The following FAT1 variants were observed in gnomAD, a reference collection of about 807,000 sequenced individuals.
FAT1 encodes FAT atypical cadherin 1.
FAT1 carries 171 observed loss-of-function variants against 329.8 expected under a neutral mutation model. The observed-to-expected ratio is 0.52, with a 90% CI of 0.46 to 0.59. The LOEUF is 0.59. Among genes scored for constraint, FAT1 ranks in the 20% least tolerant of loss-of-function variants. The pLI is 0.00. For synonymous variants in FAT1, 2,233 were observed against 2,228.6 expected (o/e 1.00, Z -0.06); for missense variants, 5,672 against 5,774.4 (o/e 0.98, Z 0.57).
intron 2 of FAT1, among the ~76,000 whole-genome samples, chr4:186,696,928 G>A (rs1411633237): frequency 6.6e-6 from 1 of 152,192 alleles, no homozygotes; most frequent in East Asian, 1.9e-4. Context: ...GGAGGCTGAG[G>A]CAGGAGAATC....
At chr4:186,668,152 C>T (rs541445195) in intron 2 of FAT1, among the ~76,000 whole-genome samples, 89 of 152,236 alleles carry the variant, frequency 5.8e-4, no homozygotes, top group African/African-American at 2.0e-3. Context: ...AAGCCTTAAG[C>T]GTGCCAAGTT....
At chr4:186,668,117 G>C (rs975195730) in intron 2 of FAT1, among the ~76,000 whole-genome samples, 4 of 152,170 alleles carry the variant, frequency 2.6e-5, no homozygotes, top group Non-Finnish European at 5.9e-5. Flanking sequence ...CGCTATTATA[G>C]GCACTGCACA....
Position 186,619,188 on chromosome 4 carries a change from T to C in FAT1, c.7398A>G (p.Ser2466=), listed in dbSNP as rs749480216. 5.6e-6 allele frequency: 9 copies of C among 1,614,018 alleles called. No individual in the cohort carries two copies. Among genetic ancestry groups the C allele is most frequent in the Non-Finnish European group, 7.6e-6 (9 of 1,179,906 alleles). ...ALKPFYSLNL[S]VSDGVFRSST... Reference sequence around the variant, plus strand: ...AACTTCTAAAAACTCCATCAGACACTGACAGGTTAAGACTGTAAAATGGCT... The same window carrying C: ...AACTTCTAAAAACTCCATCAGACACCGACAGGTTAAGACTGTAAAATGGCT... Residue 2466 remains serine, a synonymous_variant, in exon 10 of 27, where the codon TCA becomes TCG. Transcript: ENST00000441802.
chr4:186,596,721 G>C lies in FAT1; in HGVS notation c.12819C>G (p.Phe4273Leu), dbSNP rs1243904591. 2 of 1,613,976 alleles carry C rather than the reference G, an allele frequency of 1.2e-6. No individual in the cohort carries two copies. The highest frequency in any genetic ancestry group is 1.7e-6 in the Non-Finnish European group (2 of 1,179,874). ...DSRNNLDRNS[F>L]EGSAIPEHPE... The stretch of plus-strand genomic sequence containing the variant: ...GATGCTCTGGGATAGCAGATCCTTC[G>C]AAGGAATTTCGGTCCAGATTGTTTC... The change falls in exon 25 of 27, where the codon TTC becomes TTG. Residue 4273 changes from phenylalanine (F) to leucine (L), a missense_variant. Physicochemically the swap from Phe to Leu is conservative, Grantham distance 22. This residue lies in a region of FAT1 where 1,706 missense variants were observed against 1,859.1 expected (regional missense o/e 0.92). Coordinates refer to ENST00000441802, the MANE Select transcript of FAT1 (RefSeq NM_005245.4). This position sits in a 1 kb window ranked among gnomAD's most constrained non-coding sequence, Gnocchi z 4.7.
intron 26 of FAT1, among the ~76,000 whole-genome samples, chr4:186,595,329 GTGTT>G (rs752675910): frequency 5.3e-5 from 8 of 152,084 alleles, no homozygotes; most frequent in Admixed American, 1.3e-4. Flanking sequence ...GAGAGAGTGT[GTGTT>G]TGTGTGCGTG....
rs530717645 is a variant in FAT1 at position 186,589,422 on chromosome 4, A to T, written c.13139-202T>A. Among the ~76,000 whole-genome samples, 11 of 152,326 alleles carry T rather than the reference A, an allele frequency of 7.2e-5. No individual in the cohort carries two copies. In the South Asian group the frequency reaches 2.1e-3, roughly 29 times the overall value. On this transcript the variant is annotated intron_variant, in intron 26 of 26. Transcript: ENST00000441802. ...TAAAGACCCCTATGAACTAGGCTCT[A>T]GTTCTAAAATGTGGACTTACAGTTT...
chr4:186,654,074 C>CA (rs1198996520), intron 3 of FAT1, among the ~76,000 whole-genome samples: 1 of 152,136 alleles, frequency 6.6e-6, no homozygotes, highest in Non-Finnish European at 1.5e-5. Context: ...CACCCAAATG[C>CA]AAAGGCACAG....
At chr4:186,635,876 TCAAA>T in intron 6 of FAT1, 145 bp downstream of exon 6, 6 of 677,936 alleles carry the variant, frequency 8.9e-6, no homozygotes, top group East Asian at 2.7e-5. Context: ...AATTTTGCAA[TCAAA>T]ATATTATAGT....
At chr4:186,725,951 G>A (rs1031673084), upstream of FAT1, among the ~76,000 whole-genome samples, 3 of 152,212 alleles carry the variant, frequency 2.0e-5, no homozygotes, top group Admixed American at 6.5e-5. The surrounding 1 kb of genome is among the most constrained non-coding windows in gnomAD (Gnocchi z 5.4). Context: ...CGAGCGCCGG[G>A]GAGGTCCAGG....
At position 186,588,773 on chromosome 4, in the gene FAT1, G is replaced by A. The variant is rs555931755; in HGVS notation, c.13586C>T (p.Ala4529Val). ...YPPGYQRHFEAPAVESMPMSV... is the reference protein window; with the variant it reads ...YPPGYQRHFEVPAVESMPMSV... ...CATGGGCATGCTCTCGACAGCGGGC[G>A]CCTCGAAGTGTCTTTGATACCCTGG... Residue 4529 changes from alanine (A) to valine (V), a missense_variant, in exon 27 of 27, where the codon GCG becomes GTG. Transcript: ENST00000441802. 17 of 1,614,028 alleles carry A rather than the reference G, an allele frequency of 1.1e-5. No individual in the cohort carries two copies. The highest frequency in any genetic ancestry group is 3.3e-5 in the Admixed American group (2 of 60,030).
rs543576319 is a variant in FAT1, at chr4:186,602,984, C to G, written c.11401G>C (p.Glu3801Gln). 2 of 1,613,988 alleles carry G rather than the reference C, an allele frequency of 1.2e-6. No individual in the cohort carries two copies. The highest frequency in any genetic ancestry group is 2.2e-5 in the East Asian group (1 of 44,888). Residue 3801 changes from glutamate (E) to glutamine (Q), a missense_variant, in exon 20 of 27, where the codon GAG becomes CAG. Transcript: ENST00000441802. The stretch of plus-strand genomic sequence containing the variant: ...GGATCAGACACACATTCGGATCCCT[C>G]AGGGCACGGATCATCTTCACAGCCA... ...HHGCEDDPCP[E>Q]GSECVSDPWE... is the part of the protein sequence containing the mutation.
At position 186,605,971 on chromosome 4, in the gene FAT1, T is replaced by G. The variant is rs141177234; in HGVS notation, c.10350+99A>C. 8.9e-5 allele frequency: 104 copies of G among 1,165,208 alleles called. No homozygotes were observed. The East Asian group carries it at 2.4e-3, about 27-fold the overall frequency. 72.2% of individuals were successfully genotyped at this position (1,165,208 alleles called of 1,614,324 possible). On this transcript the variant is annotated intron_variant, in intron 17 of 26. Transcript: ENST00000441802. Reference sequence around the variant, plus strand: ...TCTTGAATTCTACGTTTCCCATTTTTCTAGAAAGAAACCTTTGGATAAGAA... The same window carrying G: ...TCTTGAATTCTACGTTTCCCATTTTGCTAGAAAGAAACCTTTGGATAAGAA...
intron 2 of FAT1, among the ~76,000 whole-genome samples, chr4:186,674,373 A>C (rs2126636111): frequency 6.6e-6 from 1 of 152,348 alleles, no homozygotes; most frequent in South Asian, 2.1e-4. Flanking sequence ...CAACTTTGGT[A>C]GCAGAGAAGC....
chr4:186,620,721 G>A lies in FAT1; in HGVS notation c.5865C>T (p.Ser1955=), dbSNP rs769348689. ...RSRYELTVRA[S]DGRFAGLTSV... is the part of the protein sequence containing the mutation. ...AGGTAAGGCCGGCAAATCTGCCATC[G>A]GAAGCTCTAACGGTTAGCTCGTAGC... The change falls in exon 10 of 27, where the codon TCC becomes TCT. Residue 1955 remains serine, a synonymous_variant. Transcript: ENST00000441802. The A allele has an allele frequency of 8.7e-6, 14 of 1,613,852 alleles. No individual in the cohort carries two copies. Among genetic ancestry groups the A allele is most frequent in the Admixed American group, 3.3e-5 (2 of 60,000 alleles).
chr4:186,597,461 T>C (rs886459832), intron 24 of FAT1, among the ~76,000 whole-genome samples: 4 of 152,152 alleles, frequency 2.6e-5, no homozygotes, highest in African/African-American at 9.7e-5. Flanking sequence ...TCAACCCCAT[T>C]GGCTAAACAT....
chr4:186,610,719 T>TTTATATAAATATAAATTTATATAAA (rs1560932000), intron 14 of FAT1, among the ~76,000 whole-genome samples: 55 of 103,976 alleles, frequency 5.3e-4, no homozygotes, highest in East Asian at 1.3e-3. Flanking sequence ...ATTTATATAA[T>TTTATATAAATATAAATTTATATAAA]TTATATAAAT....
At position 186,674,860 on chromosome 4, in the gene FAT1, C is replaced by T. The variant is rs1444481503; in HGVS notation, c.3266-11247G>A. ...TACAGCCTGGACAACATGGCGAAACCTCGTCTTTACAAAAAATACAAAAAT... is the reference window on the plus strand; with the variant it reads ...TACAGCCTGGACAACATGGCGAAACTTCGTCTTTACAAAAAATACAAAAAT... On this transcript the variant is annotated intron_variant, in intron 2 of 26. Coordinates refer to ENST00000441802, the MANE Select transcript of FAT1 (RefSeq NM_005245.4). Among the ~76,000 whole-genome samples the T allele has an allele frequency of 1.3e-5, 2 of 151,996 alleles. 1 individual carries two copies. Among genetic ancestry groups the T allele is most frequent in the Middle Eastern group, 6.3e-3 (2 of 316 alleles).
At chr4:186,643,805 C>T (rs542487638) in intron 3 of FAT1, among the ~76,000 whole-genome samples, 2 of 148,782 alleles carry the variant, frequency 1.3e-5, no homozygotes, top group Non-Finnish European at 3.0e-5. Flanking sequence ...CCCACCCCCA[C>T]CCACTTGAAA....
chr4:186,682,526 CAAAAAA>C (rs10561120), intron 2 of FAT1, among the ~76,000 whole-genome samples: 37 of 119,682 alleles, frequency 3.1e-4, no homozygotes, highest in Non-Finnish European at 3.5e-4. Context: ...GACTCTGTCT[CAAAAAA>C]AAAAAAAAAA....
Sources: allele counts gnomAD v4.1 joint callset (sites outside exome capture counted in the v4.1 genomes callset), GRCh38; gene constraint gnomAD v4.1.1; regional missense constraint gnomAD v4.1.1; non-coding constraint Gnocchi (gnomAD v3.1); transcripts MANE v1.5; gene names NCBI Gene and HGNC (gene_info 2026-07-23, HGNC 2026-07-21).